Variants in TGM3 observed in about 807,000 individuals in gnomAD.
TGM3 encodes the protein protein-glutamine gamma-glutamyltransferase E.
TGM3 carries 52 observed loss-of-function variants against 73.8 expected under a neutral mutation model. The ratio of observed to expected loss-of-function variants is 0.70; its 90% CI spans 0.56 to 0.89. The LOEUF (loss-of-function observed/expected upper bound fraction) is 0.89. TGM3 is among the 40% of genes least tolerant of loss of function. The probability of loss-of-function intolerance (pLI) is 0.00; values close to 1 mark genes in which losing one functional copy is unlikely to be tolerated. For synonymous variants in TGM3, 372 were observed against 354.9 expected, an observed-to-expected ratio of 1.05 and a Z score of -0.54; for missense variants, 928 against 909.9, an observed-to-expected ratio of 1.02 and a Z score of -0.26.
At chr20:2,319,523 A>T (rs558787491) in intron 7 of TGM3, among the ~76,000 whole-genome samples, 5 of 152,240 alleles carry the variant, frequency 3.3e-5, no homozygotes, top group Admixed American at 3.3e-4. Flanking sequence ...TAGAATTAGA[A>T]CCCAGGTCTC....
At chr20:2,340,032 G>GCGGGGGGGGC in intron 12 of TGM3, 45 bp downstream of exon 12, 1 of 1,507,992 alleles carries the variant, frequency 6.6e-7, no homozygotes, top group Non-Finnish European at 9.0e-7. Flanking sequence ...GCGGGAGGGG[G>GCGGGGGGGGC]CGGGGGGGCC....
chr20:2,302,744 T>C (rs924971222), intron 1 of TGM3, among the ~76,000 whole-genome samples: 16 of 124,912 alleles, frequency 1.3e-4, no homozygotes, highest in Admixed American at 4.2e-4. Flanking sequence ...AAACAGGTAT[T>C]CAAACAAATA....
chr20:2,298,022 C>G (rs2084120429), intron 1 of TGM3, among the ~76,000 whole-genome samples: 1 of 51,692 alleles, frequency 1.9e-5, no homozygotes, highest in Admixed American at 3.1e-4. Flanking sequence ...AGGGAAGACT[C>G]TGAAAAATGG....
At chr20:2,335,899 G>A (rs2122255488) in intron 11 of TGM3, among the ~76,000 whole-genome samples, 2 of 152,330 alleles carry the variant, frequency 1.3e-5, no homozygotes, top group Middle Eastern at 3.4e-3. Context: ...AGAGAGAAGG[G>A]AACAGCTGGC....
At chr20:2,300,114 AAT>A (rs1481888513) in intron 1 of TGM3, among the ~76,000 whole-genome samples, 1 of 151,714 alleles carries the variant, frequency 6.6e-6, no homozygotes, top group Non-Finnish European at 1.5e-5. Flanking sequence ...TTAAAAAAAA[AAT>A]AAAGAAAGAA....
chr20:2,300,236 A>AAAAGAAAG (rs3046692), intron 1 of TGM3, among the ~76,000 whole-genome samples: 145 of 147,902 alleles, frequency 9.8e-4, no homozygotes, highest in South Asian at 1.7e-3. Context: ...AAGAAAGAAA[A>AAAAGAAAG]AAAGAAAGAA....
rs761375332 is a variant in TGM3 at position 2,334,522 on chromosome 20, C to T, written c.1643-594C>T. Reference sequence around the variant, plus strand: ...AGTAGAACCCCAGGCTATTAGATGACGGGGAGGATCCTAAGCGTTTGTTTA... The same window carrying T: ...AGTAGAACCCCAGGCTATTAGATGATGGGGAGGATCCTAAGCGTTTGTTTA... On this transcript the variant is annotated intron_variant, in intron 10 of 12. Transcript: ENST00000381458. This position sits in a 1 kb window ranked among gnomAD's most constrained non-coding sequence, Gnocchi z 4.0. Among the ~76,000 whole-genome samples, 19 of 152,298 alleles carry T rather than the reference C, an allele frequency of 1.2e-4. No homozygotes were observed. The highest frequency in any genetic ancestry group is 3.4e-3 in the Middle Eastern group (1 of 294).
rs971228774 is a variant in TGM3 at position 2,340,041 on chromosome 20, C to G, written c.1934+54C>G. On this transcript the variant is annotated intron_variant, in intron 12 of 12. Transcript: ENST00000381458. The stretch of plus-strand genomic sequence containing the variant: ...AGGAGGGCGGGAGGGGGCGGGGGGG[C>G]CCTCCAGATCCCCTGGGTGGGACAG... The G allele has an allele frequency of 8.0e-6, 12 of 1,498,622 alleles. No individual in the cohort carries two copies. The Admixed American group carries it at 1.8e-4, about 22-fold the overall frequency. The allele number at this position is 1,498,622 out of a possible 1,614,324, so 92.8% of individuals were successfully genotyped here.
At position 2,328,393 on chromosome 20, in the gene TGM3, C is replaced by T. The variant is rs137958161; in HGVS notation, c.1333+28C>T. Reference sequence around the variant, plus strand: ...AGGAGGGACGCTGGCGGGGCAGTGCCGCGAGAGGTTCTATTGTGGGAGGAT... The same window carrying T: ...AGGAGGGACGCTGGCGGGGCAGTGCTGCGAGAGGTTCTATTGTGGGAGGAT... On this transcript the variant is annotated intron_variant, in intron 9 of 12. Transcript: ENST00000381458. The surrounding 1 kb of genome is among the most constrained non-coding windows in gnomAD (Gnocchi z 5.2). 13,785 of 1,612,470 alleles carry T rather than the reference C, an allele frequency of 8.5e-3. 91 individuals carry two copies. The highest frequency in any genetic ancestry group is 0.037 in the Middle Eastern group (226 of 6,056).
chr20:2,315,884 T>C (rs569043719), intron 5 of TGM3, among the ~76,000 whole-genome samples: 1 of 152,308 alleles, frequency 6.6e-6, no homozygotes, highest in East Asian at 1.9e-4. Context: ...TTAACTTTTA[T>C]TATGGAAAAG....
At chr20:2,329,783 G>C (rs1044724191) in intron 9 of TGM3, among the ~76,000 whole-genome samples, 1 of 152,202 alleles carries the variant, frequency 6.6e-6, no homozygotes, top group Non-Finnish European at 1.5e-5. Flanking sequence ...CCTGTCTTCA[G>C]CGGGATTTAA....
At chr20:2,335,382 G>C (rs537421715) in intron 11 of TGM3, 109 bp downstream of exon 11, 1 of 1,387,996 alleles carries the variant, frequency 7.2e-7, no homozygotes, top group Non-Finnish European at 9.8e-7. Context: ...GCAAAGGAGA[G>C]TTTTTTCTTG....
chr20:2,308,611 G>A (rs2084186730), intron 1 of TGM3, among the ~76,000 whole-genome samples: 1 of 152,200 alleles, frequency 6.6e-6, no homozygotes, highest in Non-Finnish European at 1.5e-5. Context: ...GCTCTTGCCA[G>A]TGAGCATTTG....
At chr20:2,312,498 C>A (rs2084211094) in intron 4 of TGM3, among the ~76,000 whole-genome samples, 1 of 151,132 alleles carries the variant, frequency 6.6e-6, no homozygotes, top group African/African-American at 2.4e-5. Context: ...CGAGGCCAGA[C>A]AGGCTAAACA....
intron 5 of TGM3, 98 bp from the exon 6 acceptor site, chr20:2,316,969 CT>C (rs2084236627): frequency 7.0e-7 from 1 of 1,420,252 alleles, no homozygotes; most frequent in Non-Finnish European, 9.7e-7. Flanking sequence ...CTTTGGCTTC[CT>C]TCCTCATCTC....
chr20:2,325,252 T>A (rs1006973860), intron 7 of TGM3, among the ~76,000 whole-genome samples: 6 of 152,202 alleles, frequency 3.9e-5, no homozygotes, highest in Non-Finnish European at 8.8e-5. Context: ...CTTGGCTACC[T>A]GGCTGTGCCC....
intron 1 of TGM3, among the ~76,000 whole-genome samples, chr20:2,308,380 A>G (rs1052718412): frequency 1.3e-5 from 2 of 152,220 alleles, no homozygotes; most frequent in Admixed American, 6.5e-5. Flanking sequence ...TTGCAGAAGA[A>G]TGGGTGATGT....
chr20:2,298,992 C>T (rs551401582), intron 1 of TGM3, among the ~76,000 whole-genome samples: 4 of 152,140 alleles, frequency 2.6e-5, no homozygotes, highest in East Asian at 3.9e-4. Context: ...TTCATTCCAC[C>T]GGGAATGACA....
At chr20:2,305,868 A>T (rs571633475) in intron 1 of TGM3, among the ~76,000 whole-genome samples, 1 of 152,218 alleles carries the variant, frequency 6.6e-6, no homozygotes, top group Non-Finnish European at 1.5e-5. Context: ...GGAGTTAATG[A>T]GCTAATGCAC....
Sources: gnomAD v4.1 joint callset for allele counts (sites outside exome capture counted in the v4.1 genomes callset) on GRCh38, gnomAD v4.1.1 for gene constraint, Gnocchi (gnomAD v3.1) non-coding constraint, MANE v1.5 for transcripts, NCBI Gene and HGNC (gene_info 2026-07-23, HGNC 2026-07-21) for gene names.